COL4A4: variants seen among roughly 807,000 people sequenced by gnomAD.
The protein encoded by COL4A4 is collagen alpha-4(IV) chain.
In COL4A4, 105 loss-of-function variants were observed where a neutral mutation model predicts 192.9. That is an observed-to-expected ratio of 0.54 (90% CI 0.46 to 0.64). COL4A4 has a LOEUF of 0.64. Ranked by LOEUF, COL4A4 falls within the 30% of genes least tolerant of loss-of-function variation. The pLI, the probability that COL4A4 is intolerant of heterozygous loss-of-function variation, is 0.00. For synonymous variants in COL4A4, 762 were observed against 769.9 expected (o/e 0.99, Z 0.17); for missense variants, 1,967 against 2,169.3 (o/e 0.91, Z 1.85).
intron 28 of COL4A4, among the ~76,000 whole-genome samples, chr2:227,058,857 T>C (rs904982202): frequency 1.3e-5 from 2 of 152,282 alleles, no homozygotes; most frequent in African/African-American, 4.8e-5. Context: ...CTTACTGATT[T>C]CAGAAAAGGA....
At chr2:227,045,845 TATACACA>T (rs1559487977) in intron 35 of COL4A4, among the ~76,000 whole-genome samples, 1 of 51,632 alleles carries the variant, frequency 1.9e-5, no homozygotes, top group East Asian at 4.8e-4. Flanking sequence ...CACATATATA[TATACACA>T]TATATATATA....
intron 44 of COL4A4, among the ~76,000 whole-genome samples, chr2:227,019,123 T>TG (rs1965494649): frequency 6.6e-6 from 1 of 152,204 alleles, no homozygotes; most frequent in Non-Finnish European, 1.5e-5. Flanking sequence ...TACAGTCACC[T>TG]GGGGGGCATT....
At chr2:227,059,861 C>G (rs1225565575) in intron 27 of COL4A4, among the ~76,000 whole-genome samples, 1 of 152,094 alleles carries the variant, frequency 6.6e-6, no homozygotes, top group African/African-American at 2.4e-5. Context: ...GGCAAACATT[C>G]TGGCTGGACT....
chr2:227,154,179 G>A (rs113069244), intron 1 of COL4A4, among the ~76,000 whole-genome samples: 15 of 152,224 alleles, frequency 9.9e-5, no homozygotes, highest in East Asian at 5.8e-4. Flanking sequence ...CTCTAATTCC[G>A]TGAGGCTTTT....
chr2:227,046,070 T>TATATACTATCTAAACATATATAC (rs1559490469), intron 35 of COL4A4, among the ~76,000 whole-genome samples: 5 of 138,172 alleles, frequency 3.6e-5, no homozygotes, highest in South Asian at 4.3e-4. Flanking sequence ...CATATATACA[T>TATATACTATCTAAACATATATAC]ATATATATTT....
At position 227,004,138 on chromosome 2, in the gene COL4A4, C is replaced by T. The variant is rs56324594; in HGVS notation, c.*3187G>A. The T allele has an allele frequency of 0.44, 66,244 of 152,054 alleles. 14,530 individuals carry two copies. The highest frequency in any genetic ancestry group is 0.57 in the South Asian group (2,757 of 4,802). 9.4% of individuals were successfully genotyped at this position (152,054 alleles called of 1,614,324 possible). A position where few individuals can be genotyped will look rare whatever the true frequency, so the allele number is the denominator to read the frequency against. On this transcript the variant is annotated 3_prime_UTR_variant, in exon 48 of 48. Coordinates refer to ENST00000396625, the MANE Select transcript of COL4A4 (RefSeq NM_000092.5). ...AAAAACGAGTCAAGCATGGTCCCTG[C>T]CCTCAAGGGGCTTGCATTTTGGCAA...
chr2:227,110,039 G>C (rs1449338835), intron 9 of COL4A4, among the ~76,000 whole-genome samples: 1 of 151,972 alleles, frequency 6.6e-6, no homozygotes, highest in Non-Finnish European at 1.5e-5. Flanking sequence ...ATCTCAAATT[G>C]CGGAAATATA....
Position 227,098,733 on chromosome 2 carries a change from G to A in COL4A4, c.1165C>T (p.Pro389Ser). The A allele has an allele frequency of 2.5e-6, 4 of 1,614,088 alleles. No homozygotes were observed. The South Asian group carries it at 4.4e-5, about 18-fold the overall frequency. The change falls in exon 19 of 48, where the codon CCC becomes TCC. Residue 389 changes from proline (P) to serine (S), a missense_variant. Transcript: ENST00000396625. ...CCTGGTCTGCCCAAGAGACCTGGGG[G>A]ACCAGGTGGTCCAACATCCCCTGTT... ...GETGDVGPPG[P>S]PGLLGRPGEA...
intron 23 of COL4A4, among the ~76,000 whole-genome samples, chr2:227,081,507 T>C (rs1223116025): frequency 6.6e-6 from 1 of 152,150 alleles, no homozygotes; most frequent in African/African-American, 2.4e-5. Flanking sequence ...CTTTTGAGGC[T>C]TTTGGACTCA....
intron 19 of COL4A4, 111 bp from the exon 20 acceptor site, chr2:227,094,400 A>T (rs182801001): frequency 9.3e-7 from 1 of 1,078,976 alleles, no homozygotes; most frequent in African/African-American, 1.6e-5. Context: ...TTTTAAAGGG[A>T]AAGAGACGGA....
intron 36 of COL4A4, among the ~76,000 whole-genome samples, chr2:227,042,707 G>A (rs1034033600): frequency 2.6e-5 from 4 of 152,160 alleles, no homozygotes; most frequent in Non-Finnish European, 5.9e-5. Flanking sequence ...CCCTGAGGTC[G>A]GGAGTTTGAG....
chr2:227,126,325 A>G (rs890676507), intron 4 of COL4A4, among the ~76,000 whole-genome samples: 1 of 152,212 alleles, frequency 6.6e-6, no homozygotes, highest in African/African-American at 2.4e-5. Context: ...ATAAGTGTAA[A>G]TGCTGTCTTA....
Position 227,094,163 on chromosome 2 carries a change from G to A in COL4A4, c.1331C>T (p.Pro444Leu). 1 of 1,613,694 alleles carries A rather than the reference G, an allele frequency of 6.2e-7. No homozygotes were observed. Among genetic ancestry groups the A allele is most frequent in the Non-Finnish European group, 8.5e-7 (1 of 1,179,772 alleles). ...KPGKPGSPGLPGAPGLQGLPG... is the reference protein window; with the variant it reads ...KPGKPGSPGLLGAPGLQGLPG... ...GAGGCCCTGCAGGCCTGGTGCTCCA[G>A]GCAAGCCAGGTGATCCTGGCTTCCC... is the stretch of plus-strand genomic sequence containing the variant. The change falls in exon 20 of 48, where the codon CCT (proline) becomes CTT (leucine). Residue 444 changes from proline to leucine, a missense_variant. By Grantham distance (98) the Pro-to-Leu change is moderately conservative. Transcript: ENST00000396625.
chr2:227,080,393 T>A, intron 24 of COL4A4, 50 bp downstream of exon 24: 1 of 1,464,754 alleles, frequency 6.8e-7, no homozygotes, highest in Non-Finnish European at 9.6e-7. Context: ...GTTGTTTGTA[T>A]GACCATATAA....
At chr2:227,082,801 T>C (rs560749061) in intron 22 of COL4A4, among the ~76,000 whole-genome samples, 198 of 152,368 alleles carry the variant, frequency 1.3e-3, no homozygotes, top group Non-Finnish European at 1.8e-3. Flanking sequence ...ATATATTTAT[T>C]CTGTATAACA....
the COL4A4 span, among the ~76,000 whole-genome samples, chr2:226,982,769 C>T: frequency 6.6e-6 from 1 of 152,160 alleles, no homozygotes; most frequent in African/African-American, 2.4e-5. Flanking sequence ...TTCATTCATT[C>T]CTCAAGCATT....
chr2:227,058,138 C>A (rs1975950833), intron 28 of COL4A4, among the ~76,000 whole-genome samples: 1 of 152,188 alleles, frequency 6.6e-6, no homozygotes, highest in East Asian at 1.9e-4. Context: ...GTAATCAGTG[C>A]AAATTCAGTT....
chr2:227,118,822 T>C, intron 6 of COL4A4, 61 bp from the exon 7 acceptor site: 1 of 1,035,286 alleles, frequency 9.7e-7, no homozygotes, highest in Admixed American at 1.7e-5. Context: ...ATAAAGGTTA[T>C]GCAATATGAA....
intron 37 of COL4A4, among the ~76,000 whole-genome samples, chr2:227,034,439 C>G (rs975115646): frequency 2.0e-5 from 3 of 152,100 alleles, no homozygotes; most frequent in African/African-American, 7.2e-5. Context: ...CTCACAAGTC[C>G]TGTCCCACTG....
Sources: allele counts gnomAD v4.1 joint callset (sites outside exome capture counted in the v4.1 genomes callset), GRCh38; gene constraint gnomAD v4.1.1; transcripts MANE v1.5; gene names NCBI Gene and HGNC (gene_info 2026-07-23, HGNC 2026-07-21).